Variants in SINHCAF observed in about 807,000 individuals in gnomAD.
SINHCAF encodes SIN3-HDAC complex-associated factor.
A neutral mutation model predicts 25.8 loss-of-function variants in SINHCAF; 3 were observed. That is an observed-to-expected ratio of 0.12 (90% CI 0.05 to 0.30). SINHCAF has a LOEUF of 0.30. Ranked by LOEUF, SINHCAF falls within the 10% of genes least tolerant of loss-of-function variation. SINHCAF has a pLI of 1.00. For missense variants in SINHCAF, 121 were observed against 262.3 expected, an observed-to-expected ratio of 0.46 and a Z score of 3.72; for synonymous variants, 70 against 85.5, an observed-to-expected ratio of 0.82 and a Z score of 1.00.
chr12:31,316,133 GCACTCCA>G (rs1939487378), intron 1 of SINHCAF, among the ~76,000 whole-genome samples: 1 of 151,882 alleles, frequency 6.6e-6, no homozygotes, highest in African/African-American at 2.4e-5. Flanking sequence ...TTGTGCCACT[GCACTCCA>G]GCCTTGGGGA....
At chr12:31,303,835 G>A (rs1938908450) in intron 1 of SINHCAF, 1 of 152,220 alleles carries the variant, frequency 6.6e-6, no homozygotes, top group Non-Finnish European at 1.5e-5. Flanking sequence ...ACTGCAGACT[G>A]GAAGAAATAG....
intron 1 of SINHCAF, among the ~76,000 whole-genome samples, chr12:31,315,758 A>G (rs1341527691): frequency 6.6e-6 from 1 of 152,186 alleles, no homozygotes; most frequent in Non-Finnish European, 1.5e-5. Flanking sequence ...CTTAAATTTT[A>G]AGTTGTCATT....
At position 31,325,265 on chromosome 12, in the gene SINHCAF, C is replaced by G. The variant is rs757030525; in HGVS notation, c.-21+759G>C. 2 of 456,578 alleles carry G rather than the reference C, an allele frequency of 4.4e-6. No individual in the cohort carries two copies. The highest frequency in any genetic ancestry group is 3.1e-5 in the South Asian group (2 of 64,554). 28.3% of individuals were successfully genotyped at this position (456,578 alleles called of 1,614,324 possible). A position where few individuals can be genotyped will look rare whatever the true frequency, so the allele number is the denominator to read the frequency against. ...CGGGCTCCGAAAGCACCCCGGACACCAGAGGCTCTTGGGCGCGGTCCGAAG... is the reference window on the plus strand; with the variant it reads ...CGGGCTCCGAAAGCACCCCGGACACGAGAGGCTCTTGGGCGCGGTCCGAAG... On this transcript the variant is annotated intron_variant, in intron 1 of 5. Transcript: ENST00000337682. The surrounding 1 kb of genome is among the most constrained non-coding windows in gnomAD (Gnocchi z 5.9).
rs1414496150 is a variant in SINHCAF at position 31,324,083 on chromosome 12, G to A, written c.-21+1941C>T. 1.3e-5 allele frequency: 6 copies of A among 453,860 alleles called. No homozygotes were observed. The highest frequency in any genetic ancestry group is 2.2e-5 in the Non-Finnish European group (5 of 226,672). The allele number at this position is 453,860 out of a possible 1,614,324, so 28.1% of individuals were successfully genotyped here. A position where few individuals can be genotyped will look rare whatever the true frequency, so the allele number is the denominator to read the frequency against. Reference sequence around the variant, plus strand: ...CGGGAGGAAAGTTCCTGCGGGGGCCGCTCGCCGGGGCGAGGGCGAGGGCAG... The same window carrying A: ...CGGGAGGAAAGTTCCTGCGGGGGCCACTCGCCGGGGCGAGGGCGAGGGCAG... On this transcript the variant is annotated intron_variant, in intron 1 of 5. Coordinates refer to ENST00000337682, the MANE Select transcript of SINHCAF (RefSeq NM_001135812.2). This position sits in a 1 kb window ranked among gnomAD's most constrained non-coding sequence, Gnocchi z 5.5.
intron 1 of SINHCAF, among the ~76,000 whole-genome samples, chr12:31,308,762 AG>A (rs1383994241): frequency 2.6e-5 from 4 of 152,124 alleles, no homozygotes; most frequent in Non-Finnish European, 4.4e-5. Context: ...CTCCAGGAAA[AG>A]GCAAACAAAT....
chr12:31,298,425 T>G (rs1938635840), intron 1 of SINHCAF: 1 of 539,170 alleles, frequency 1.9e-6, no homozygotes, highest in African/African-American at 1.9e-5. Flanking sequence ...AAGAAAAGCC[T>G]AGTTATTTAA....
At chr12:31,308,346 C>T (rs193018122) in intron 1 of SINHCAF, among the ~76,000 whole-genome samples, 5 of 152,266 alleles carry the variant, frequency 3.3e-5, no homozygotes, top group African/African-American at 9.6e-5. Context: ...TTGAGTCACA[C>T]AATAAAAATT....
At position 31,282,087 on chromosome 12, in the gene SINHCAF, T is replaced by C. The variant is rs1457540746; in HGVS notation, c.*625A>G. ...CAAGAGTAGCCAGCCATCTTAAAAA[T>C]GCCCCAACCACTGCTTCTCAAAACA... On this transcript the variant is annotated 3_prime_UTR_variant, in exon 6 of 6. Coordinates refer to ENST00000337682, the MANE Select transcript of SINHCAF (RefSeq NM_001135812.2). 2.0e-5 allele frequency: 3 copies of C among 152,494 alleles called. No individual in the cohort carries two copies. In the East Asian group the frequency reaches 5.8e-4, roughly 29 times the overall value. 9.4% of individuals were successfully genotyped at this position (152,494 alleles called of 1,614,324 possible). A position where few individuals can be genotyped will look rare whatever the true frequency, so the allele number is the denominator to read the frequency against.
In SINHCAF at chr12:31,287,667, A is replaced by C; in HGVS notation, c.473T>G (p.Val158Gly). ...GTAAGTGAGATCTAAAAAGGAAAAA[A>C]CTGGTGTTCTGTTAGAACCAGAAGC... is the stretch of plus-strand genomic sequence containing the variant. Reference protein sequence around the residue: ...EMASGSNRTPVFSFLDLTYWK... With the variant: ...EMASGSNRTPGFSFLDLTYWK... Residue 158 changes from valine to glycine, a missense_variant, in exon 5 of 6, where the codon GTT (valine) becomes GGT (glycine). Physicochemically the swap from Val to Gly is moderately radical, Grantham distance 109. Transcript: ENST00000337682. 6.2e-7 allele frequency: 1 copy of C among 1,602,630 alleles called. No individual in the cohort carries two copies.
intron 1 of SINHCAF, among the ~76,000 whole-genome samples, chr12:31,306,125 T>G (rs556314870): frequency 6.6e-6 from 1 of 152,186 alleles, no homozygotes; most frequent in East Asian, 1.9e-4. Context: ...CCATTGCCCA[T>G]CAGCAGGATG....
intron 1 of SINHCAF, among the ~76,000 whole-genome samples, chr12:31,302,544 CGAGCTTGAGGATGT>C (rs1938845439): frequency 6.7e-6 from 1 of 149,586 alleles, no homozygotes; most frequent in Admixed American, 6.7e-5. Flanking sequence ...TTTATCAGGC[CGAGCTTGAGGATGT>C]GCGCCCAGGA....
At chr12:31,314,475 G>C (rs1045946198) in intron 1 of SINHCAF, among the ~76,000 whole-genome samples, 1 of 152,022 alleles carries the variant, frequency 6.6e-6, no homozygotes, top group Non-Finnish European at 1.5e-5. Flanking sequence ...GCAGTGAGCC[G>C]AGATCGCGCC....
chr12:31,321,735 T>A (rs1362035445), intron 1 of SINHCAF, among the ~76,000 whole-genome samples: 1 of 152,076 alleles, frequency 6.6e-6, no homozygotes, highest in Admixed American at 6.6e-5. Flanking sequence ...CCAATTATAT[T>A]CCTACCATCT....
chr12:31,311,787 T>C (rs1939280833), intron 1 of SINHCAF: 1 of 495,874 alleles, frequency 2.0e-6, no homozygotes, highest in South Asian at 1.7e-5. Flanking sequence ...ACCCAAAGAC[T>C]GTGGAACTTT....
chr12:31,295,529 C>G (rs141746154), intron 2 of SINHCAF, among the ~76,000 whole-genome samples, 196 bp from the exon 3 acceptor site: 54 of 152,262 alleles, frequency 3.5e-4, no homozygotes, highest in African/African-American at 1.2e-3. Flanking sequence ...CAAACCAATT[C>G]TATGTACGGC....
rs1237068506 is a variant in SINHCAF, at chr12:31,324,056, G to A, written c.-21+1968C>T. ...TTTGTTGGTAAATAAGACATCTCGC[G>A]TCGGGAGGAAAGTTCCTGCGGGGGC... On this transcript the variant is annotated intron_variant, in intron 1 of 5. Coordinates refer to ENST00000337682, the MANE Select transcript of SINHCAF (RefSeq NM_001135812.2). This position sits in a 1 kb window ranked among gnomAD's most constrained non-coding sequence, Gnocchi z 5.5. 2.2e-6 allele frequency: 1 copy of A among 454,400 alleles called. No individual in the cohort carries two copies. The highest frequency in any genetic ancestry group is 1.6e-5 in the South Asian group (1 of 64,488). 28.1% of individuals were successfully genotyped at this position (454,400 alleles called of 1,614,324 possible).
intron 1 of SINHCAF, among the ~76,000 whole-genome samples, chr12:31,320,426 A>G (rs1282375501): frequency 6.6e-6 from 1 of 152,180 alleles, no homozygotes; most frequent in Admixed American, 6.5e-5. Context: ...CACCTACCAC[A>G]TAAGATTTCA....
At chr12:31,292,568 G>A (rs1422857232) in intron 4 of SINHCAF, among the ~76,000 whole-genome samples, 1 of 151,886 alleles carries the variant, frequency 6.6e-6, no homozygotes, top group African/African-American at 2.4e-5. Flanking sequence ...TTAGGGAGAT[G>A]GGGGGTTGAG....
At chr12:31,319,697 C>A (rs189030553) in intron 1 of SINHCAF, among the ~76,000 whole-genome samples, 1 of 152,128 alleles carries the variant, frequency 6.6e-6, no homozygotes, top group African/African-American at 2.4e-5. Context: ...TATCATTTTG[C>A]TTTCTGTCTT....
Sources: allele counts gnomAD v4.1 joint callset (sites outside exome capture counted in the v4.1 genomes callset), GRCh38; gene constraint gnomAD v4.1.1; non-coding constraint Gnocchi (gnomAD v3.1); transcripts MANE v1.5; gene names NCBI Gene and HGNC (gene_info 2026-07-23, HGNC 2026-07-21).